The following ATP6V1A variants were observed in gnomAD, a reference collection of about 807,000 sequenced individuals.
The protein encoded by ATP6V1A is V-type proton ATPase catalytic subunit A.
Under a neutral mutation model 70.1 loss-of-function variants are expected in ATP6V1A, and 18 were observed. The observed-to-expected ratio is 0.26, with a 90% CI of 0.18 to 0.38. The LOEUF is 0.38. Among genes scored for constraint, ATP6V1A ranks in the 10% least tolerant of loss-of-function variants. ATP6V1A has a pLI of 1.00. For synonymous variants in ATP6V1A, 232 were observed against 253.8 expected, an observed-to-expected ratio of 0.91 and a Z score of 0.82; for missense variants, 424 against 772.4, an observed-to-expected ratio of 0.55 and a Z score of 5.35.
chr3:113,784,485 A>T, intron 4 of ATP6V1A, 47 bp downstream of exon 4: 1 of 1,528,022 alleles, frequency 6.5e-7, no homozygotes, highest in Non-Finnish European at 9.0e-7. Flanking sequence ...AAAGAATATA[A>T]AATGAATGTT....
At chr3:113,782,571 T>TAC (rs1708990077) in intron 3 of ATP6V1A, among the ~76,000 whole-genome samples, 5 of 146,830 alleles carry the variant, frequency 3.4e-5, no homozygotes, top group African/African-American at 1.0e-4. Flanking sequence ...TGTATATATA[T>TAC]ACGTATATAT....
chr3:113,789,462 T>G (rs998488609), intron 7 of ATP6V1A, among the ~76,000 whole-genome samples: 2 of 152,170 alleles, frequency 1.3e-5, no homozygotes, highest in African/African-American at 4.8e-5. Flanking sequence ...ATGTGAACTT[T>G]ATGTGTGATT....
chr3:113,772,505 A>T (rs1473889079), intron 1 of ATP6V1A, among the ~76,000 whole-genome samples: 1 of 152,206 alleles, frequency 6.6e-6, no homozygotes, highest in East Asian at 1.9e-4. Flanking sequence ...AGGCAGGCGG[A>T]TCATGAGGTC....
At chr3:113,803,527 C>T (rs1031125745) in intron 12 of ATP6V1A, 56 bp from the exon 13 acceptor site, 1 of 1,275,136 alleles carries the variant, frequency 7.8e-7, no homozygotes, top group Admixed American at 2.0e-5. Flanking sequence ...AATTAATTGC[C>T]ACCATCAATC....
chr3:113,777,901 T>A (rs1475566716), intron 1 of ATP6V1A, among the ~76,000 whole-genome samples: 1 of 152,170 alleles, frequency 6.6e-6, no homozygotes, highest in Non-Finnish European at 1.5e-5. Context: ...GCAGCATGAT[T>A]AAGTGAAAGA....
intron 1 of ATP6V1A, among the ~76,000 whole-genome samples, chr3:113,758,619 A>G (rs1708669959): frequency 6.6e-6 from 1 of 152,198 alleles, no homozygotes; most frequent in Non-Finnish European, 1.5e-5. Context: ...CTTTTTGGCC[A>G]TTATGAATAA....
At chr3:113,778,879 G>T in intron 2 of ATP6V1A, 44 bp downstream of exon 2, 2 of 1,256,514 alleles carry the variant, frequency 1.6e-6, no homozygotes, top group South Asian at 3.0e-5. Context: ...ATCTAACTTT[G>T]ATTAATGTCT....
At chr3:113,802,849 G>A (rs1709231020) in intron 12 of ATP6V1A, 1 of 152,142 alleles carries the variant, frequency 6.6e-6, no homozygotes, top group Non-Finnish European at 1.5e-5. Flanking sequence ...TTTTTGTAGA[G>A]ACAGGTTTTC....
At chr3:113,796,457 G>A (rs1230436241) in intron 11 of ATP6V1A, among the ~76,000 whole-genome samples, 2 of 152,098 alleles carry the variant, frequency 1.3e-5, no homozygotes, top group Admixed American at 1.3e-4. Flanking sequence ...TTGAACCTTG[G>A]ATTCAAAAGT....
At chr3:113,776,901 CTT>C (rs1277165220) in intron 1 of ATP6V1A, among the ~76,000 whole-genome samples, 1 of 152,216 alleles carries the variant, frequency 6.6e-6, no homozygotes, top group African/African-American at 2.4e-5. Flanking sequence ...TCTGCAGTGT[CTT>C]TGCTACCTTT....
intron 1 of ATP6V1A, among the ~76,000 whole-genome samples, chr3:113,758,667 G>A (rs1199859705): frequency 6.6e-6 from 1 of 152,170 alleles, no homozygotes; most frequent in Non-Finnish European, 1.5e-5. Context: ...TTGGACATAA[G>A]CTTTCTCATG....
At position 113,809,580 on chromosome 3, in the gene ATP6V1A, T is replaced by C; in HGVS notation, c.*153T>C. ...GTTATTTGTTTCCCTGTTTTTTTGG[T>C]AGGTCTTATATAAAACAAACATTCC... On this transcript the variant is annotated 3_prime_UTR_variant, in exon 15 of 15. Transcript: ENST00000273398. 1 of 624,250 alleles carries C rather than the reference T, an allele frequency of 1.6e-6. No homozygotes were observed. The allele number at this position is 624,250 out of a possible 1,614,324, so 38.7% of individuals were successfully genotyped here. A position where few individuals can be genotyped will look rare whatever the true frequency, so the allele number is the denominator to read the frequency against.
Position 113,795,267 on chromosome 3 carries a change from A to G in ATP6V1A, c.1226+63A>G. ...AGTCACAGATGTATTAAAGAGAGAA[A>G]AAAAGTCACTTATTTTAAAGAGAGA... On this transcript the variant is annotated intron_variant, in intron 10 of 14. Transcript: ENST00000273398. The G allele has an allele frequency of 1.5e-5, 23 of 1,516,480 alleles. 1 individual carries two copies. Among genetic ancestry groups the G allele is most frequent in the Non-Finnish European group, 2.0e-5 (22 of 1,115,860 alleles). 93.9% of individuals were successfully genotyped at this position (1,516,480 alleles called of 1,614,324 possible).
chr3:113,779,757 T>G (rs1263757992), intron 2 of ATP6V1A, among the ~76,000 whole-genome samples: 2 of 152,170 alleles, frequency 1.3e-5, no homozygotes. Flanking sequence ...CCAAGAACCT[T>G]TAGAGAAAAG....
intron 1 of ATP6V1A, among the ~76,000 whole-genome samples, chr3:113,766,386 C>T (rs1708771636): frequency 6.6e-6 from 1 of 152,158 alleles, no homozygotes; most frequent in Non-Finnish European, 1.5e-5. Flanking sequence ...GCCTCAACCT[C>T]CCAGGCTCAA....
At chr3:113,762,304 C>G (rs1708713302) in intron 1 of ATP6V1A, among the ~76,000 whole-genome samples, 1 of 151,604 alleles carries the variant, frequency 6.6e-6, no homozygotes, top group South Asian at 2.1e-4. Context: ...CACAGCAGCT[C>G]ACGCCTGTAA....
chr3:113,761,462 C>A (rs1708704392), intron 1 of ATP6V1A, among the ~76,000 whole-genome samples: 1 of 151,620 alleles, frequency 6.6e-6, no homozygotes, highest in Admixed American at 6.6e-5. Flanking sequence ...TTCGGCTGGG[C>A]TTGGTGGCTC....
chr3:113,756,019 A>G (rs12695295), intron 1 of ATP6V1A, among the ~76,000 whole-genome samples: 55,207 of 152,068 alleles, frequency 0.36, 10,097 homozygotes, highest in African/African-American at 0.41. Context: ...TCCTGATCCA[A>G]ATGCTTTCTT....
At chr3:113,805,153 C>T (rs1323624154) in intron 13 of ATP6V1A, among the ~76,000 whole-genome samples, 3 of 152,162 alleles carry the variant, frequency 2.0e-5, no homozygotes, top group Non-Finnish European at 1.5e-5. Flanking sequence ...ATCCCATATC[C>T]TGAGACATCT....
Sources: gnomAD v4.1 joint callset for allele counts (sites outside exome capture counted in the v4.1 genomes callset) on GRCh38, gnomAD v4.1.1 for gene constraint, MANE v1.5 for transcripts, NCBI Gene and HGNC (gene_info 2026-07-23, HGNC 2026-07-21) for gene names.